The following TTLL5 variants were observed in gnomAD, a reference collection of about 807,000 sequenced individuals.
TTLL5 encodes the protein tubulin tyrosine ligase like 5, also known as tubulin polyglutamylase TTLL5.
In TTLL5, 132 loss-of-function variants were observed where a neutral mutation model predicts 168.4. The ratio of observed to expected loss-of-function variants is 0.78; its 90% CI spans 0.68 to 0.91. The LOEUF is 0.91. TTLL5 is among the 40% of genes least tolerant of loss of function. The pLI is 0.00. For missense variants in TTLL5, 1,545 were observed against 1,581.5 expected (o/e 0.98, Z 0.39); for synonymous variants, 546 against 558.6 (o/e 0.98, Z 0.32).
intron 30 of TTLL5, among the ~76,000 whole-genome samples, chr14:75,884,570 G>C (rs1214326606): frequency 6.6e-6 from 1 of 152,170 alleles, no homozygotes; most frequent in African/African-American, 2.4e-5. Context: ...TGCACAGAAG[G>C]GGGGAAAAAG....
chr14:75,742,924 C>G (rs919836791), intron 15 of TTLL5, among the ~76,000 whole-genome samples: 1 of 151,994 alleles, frequency 6.6e-6, no homozygotes, highest in African/African-American at 2.4e-5. Context: ...TTCAACTTTC[C>G]CCTATAAACC....
At chr14:75,856,359 C>T (rs1897123761) in intron 28 of TTLL5, among the ~76,000 whole-genome samples, 1 of 152,124 alleles carries the variant, frequency 6.6e-6, no homozygotes, top group Admixed American at 6.5e-5. Flanking sequence ...GAGTGACACT[C>T]CATCTCAATA....
intron 28 of TTLL5, among the ~76,000 whole-genome samples, chr14:75,836,371 A>G (rs1227940011): frequency 1.3e-5 from 2 of 151,586 alleles, no homozygotes; most frequent in Non-Finnish European, 2.9e-5. Context: ...TAAAGAGTAG[A>G]ATGCTGGTTA....
intron 27 of TTLL5, among the ~76,000 whole-genome samples, chr14:75,814,239 T>C (rs1486603943): frequency 6.6e-6 from 1 of 152,226 alleles, no homozygotes; most frequent in Non-Finnish European, 1.5e-5. Flanking sequence ...GAGCCAGTGA[T>C]TGATTTTGTG....
At chr14:75,858,609 G>A (rs1408666741) in intron 28 of TTLL5, among the ~76,000 whole-genome samples, 1 of 152,194 alleles carries the variant, frequency 6.6e-6, no homozygotes, top group Non-Finnish European at 1.5e-5. Flanking sequence ...TAAACAGTGA[G>A]CCTATCACTT....
rs771667747 is a variant in TTLL5, at chr14:75,745,586, G to A, written c.1487+5G>A. On this transcript the variant is annotated splice_donor_5th_base_variant and intron_variant, in intron 17 of 31. Transcript: ENST00000298832. The stretch of plus-strand genomic sequence containing the variant: ...TGAGACATGGGAAATATATGGGTGA[G>A]GTGACTACCTTTTTTTTTTATTCTT... 6.2e-7 allele frequency: 1 copy of A among 1,611,904 alleles called. No homozygotes were observed. Among genetic ancestry groups the A allele is most frequent in the South Asian group, 1.1e-5 (1 of 90,404 alleles).
At chr14:75,749,821 G>A (rs1309241518) in intron 17 of TTLL5, among the ~76,000 whole-genome samples, 1 of 152,062 alleles carries the variant, frequency 6.6e-6, no homozygotes, top group African/African-American at 2.4e-5. Flanking sequence ...ATCAACAAAT[G>A]TCTACATTAT....
intron 30 of TTLL5, among the ~76,000 whole-genome samples, chr14:75,886,213 A>C (rs1200057255): frequency 6.6e-6 from 1 of 152,256 alleles, no homozygotes; most frequent in Non-Finnish European, 1.5e-5. Context: ...AGAGCATCAA[A>C]GTTTCCACAT....
intron 30 of TTLL5, among the ~76,000 whole-genome samples, chr14:75,892,924 T>G (rs987036931): frequency 2.0e-5 from 3 of 152,076 alleles, no homozygotes; most frequent in African/African-American, 7.2e-5. Context: ...TGAAGGCAAC[T>G]ATATAATCTT....
intron 30 of TTLL5, among the ~76,000 whole-genome samples, chr14:75,898,378 A>G (rs578251317): frequency 4.8e-4 from 73 of 152,294 alleles, no homozygotes; most frequent in Admixed American, 3.9e-3. Flanking sequence ...GCAGTGGCTT[A>G]TATCTATAGT....
chr14:75,868,653 T>C (rs1314554580), intron 29 of TTLL5, among the ~76,000 whole-genome samples: 1 of 152,216 alleles, frequency 6.6e-6, no homozygotes, highest in African/African-American at 2.4e-5. Context: ...GCTGTGTGTG[T>C]ATATACACAA....
rs1388634956 is a variant in TTLL5 at position 75,763,257 on chromosome 14, G to GTGTGTGTGTA, written c.1551-1349_1551-1348insATGTGTGTGT. ...AGTTTATTTCTATAGCTCTCTCTCT[G>GTGTGTGTGTA]TGTGTGTGTGTGTGTGTGTGTGTGT... is the stretch of plus-strand genomic sequence containing the variant. On this transcript the variant is annotated intron_variant, in intron 18 of 31. Coordinates refer to ENST00000298832, the MANE Select transcript of TTLL5 (RefSeq NM_015072.5). Among the ~76,000 whole-genome samples the GTGTGTGTGTA allele has an allele frequency of 1.6e-4, 3 of 18,638 alleles. No individual in the cohort carries two copies. In the East Asian group the frequency reaches 2.5e-3, roughly 15 times the overall value. 12.2% of individuals were successfully genotyped at this position (18,638 alleles called of 152,430 possible). A position where few individuals can be genotyped will look rare whatever the true frequency, so the allele number is the denominator to read the frequency against.
intron 26 of TTLL5, among the ~76,000 whole-genome samples, chr14:75,786,130 A>G (rs1343308069): frequency 6.6e-6 from 1 of 152,200 alleles, no homozygotes. Flanking sequence ...CACTTTAATA[A>G]GTCATAAATA....
At position 75,745,107 on chromosome 14, in the gene TTLL5, C is replaced by T. The variant is rs1889526307; in HGVS notation, c.1294C>T (p.Leu432Phe). ...PFQKPQRCRP[L>F]SASDAEMKNL... The stretch of plus-strand genomic sequence containing the variant: ...TTCTTCTCCTTAGCGTTGCCGTCCA[C>T]TCTCTGCCAGTGATGCGGAAATGAA... Residue 432 changes from leucine (L) to phenylalanine (F), a missense_variant, in exon 16 of 32, where the codon CTC (leucine) becomes TTC (phenylalanine). Physicochemically the swap from Leu to Phe is conservative, Grantham distance 22 (BLOSUM62 0). Coordinates refer to ENST00000298832, the MANE Select transcript of TTLL5 (RefSeq NM_015072.5). 6.2e-6 allele frequency: 10 copies of T among 1,613,882 alleles called. No homozygotes were observed. The highest frequency in any genetic ancestry group is 1.3e-5 in the African/African-American group (1 of 75,044).
At chr14:75,762,223 A>G (rs1890693451) in intron 18 of TTLL5, among the ~76,000 whole-genome samples, 1 of 152,004 alleles carries the variant, frequency 6.6e-6, no homozygotes, top group African/African-American at 2.4e-5. Flanking sequence ...GTGAAACCCC[A>G]TCTCTACTAA....
intron 27 of TTLL5, among the ~76,000 whole-genome samples, chr14:75,813,590 A>G (rs965522690): frequency 2.0e-5 from 3 of 152,124 alleles, no homozygotes; most frequent in African/African-American, 4.8e-5. Flanking sequence ...GGTGTGAGCC[A>G]CCGTGCCTGG....
At chr14:75,670,320 A>C (rs1021126800) in intron 3 of TTLL5, among the ~76,000 whole-genome samples, 2 of 152,022 alleles carry the variant, frequency 1.3e-5, no homozygotes, top group African/African-American at 4.8e-5. Flanking sequence ...CCTTGGTTAC[A>C]TGCATAATCC....
chr14:75,891,321 C>T (rs528597236), intron 30 of TTLL5, among the ~76,000 whole-genome samples: 2 of 152,320 alleles, frequency 1.3e-5, no homozygotes, highest in East Asian at 3.9e-4. Flanking sequence ...TCGTCACCTC[C>T]TCATCTGACT....
rs138284740 is a variant in TTLL5, at chr14:75,765,405, G to A, written c.1708+633G>A. Among the ~76,000 whole-genome samples, 339 of 152,256 alleles carry A rather than the reference G, an allele frequency of 2.2e-3. 1 individual carries two copies. Among genetic ancestry groups the A allele is most frequent in the African/African-American group, 7.7e-3 (318 of 41,560 alleles). ...ATATTCCCCTGTTCTTTATACCTCC[G>A]TGAAGGGTGCTTTTTAAAAAATCTC... is the stretch of plus-strand genomic sequence containing the variant. On this transcript the variant is annotated intron_variant, in intron 19 of 31. Transcript: ENST00000298832.
Sources: gnomAD v4.1 joint callset for allele counts (sites outside exome capture counted in the v4.1 genomes callset) on GRCh38, gnomAD v4.1.1 for gene constraint, MANE v1.5 for transcripts, NCBI Gene and HGNC (gene_info 2026-07-23, HGNC 2026-07-21) for gene names.